The following FOXI2 variants were observed in gnomAD, a reference collection of about 807,000 sequenced individuals.
FOXI2 encodes forkhead box protein I2.
In FOXI2, 17 loss-of-function variants were observed where a neutral mutation model predicts 14.3. The observed-to-expected ratio is 1.19, with a 90% CI of 0.81 to 1.78. The LOEUF (loss-of-function observed/expected upper bound fraction) is 1.78. Among genes scored for constraint, FOXI2 ranks in the 40% most tolerant of loss-of-function variants. FOXI2 has a pLI of 0.00. For synonymous variants in FOXI2, 240 were observed against 218.8 expected (o/e 1.10, Z -0.85); for missense variants, 541 against 460.0 (o/e 1.18, Z -1.61).
chr10:127,739,006 T>C lies in FOXI2; in HGVS notation c.*41T>C. On this transcript the variant is annotated 3_prime_UTR_variant, in exon 2 of 2. Transcript: ENST00000388920. The stretch of plus-strand genomic sequence containing the variant: ...TAGCCGGGTGCGGGTCCAGAGGTGC[T>C]GAGCTCAGGCCTCCGGTTTCCCCTG... 3 of 1,533,544 alleles carry C rather than the reference T, an allele frequency of 2.0e-6. No homozygotes were observed. The highest frequency in any genetic ancestry group is 2.6e-6 in the Non-Finnish European group (3 of 1,132,666). 95.0% of individuals were successfully genotyped at this position (1,533,544 alleles called of 1,614,324 possible). A position where few individuals can be genotyped will look rare whatever the true frequency, so the allele number is the denominator to read the frequency against.
Position 127,740,802 on chromosome 10 carries a change from T to C in FOXI2, c.*1837T>C. On this transcript the variant is annotated 3_prime_UTR_variant, in exon 2 of 2. Coordinates refer to ENST00000388920, the MANE Select transcript of FOXI2 (RefSeq NM_207426.3). ...CCTGCTGAAGAGTGAGGTGTGTGTG[T>C]GTGTGTGCGTGTGTGCGTAAGACAG... The C allele has an allele frequency of 6.6e-6, 1 of 152,280 alleles. No homozygotes were observed. 9.4% of individuals were successfully genotyped at this position (152,280 alleles called of 1,614,324 possible).
In FOXI2 at chr10:127,737,457, C is replaced by T. The variant is rs1221931455; in HGVS notation, c.184C>T (p.Pro62Ser). 4.4e-6 allele frequency: 6 copies of T among 1,368,708 alleles called. No homozygotes were observed. In the African/African-American group the frequency reaches 9.2e-5, roughly 21 times the overall value. 84.8% of individuals were successfully genotyped at this position (1,368,708 alleles called of 1,614,324 possible). ...SYASGPGPAP[P>S]YAAPSYGAPG... ...CGCTTCGGGTCCCGGGCCTGCGCCG[C>T]CCTACGCGGCCCCGAGCTACGGGGC... The change falls in exon 1 of 2, where the codon CCC (proline) becomes TCC (serine). Residue 62 changes from proline (P) to serine (S), a missense_variant. Coordinates refer to ENST00000388920, the MANE Select transcript of FOXI2 (RefSeq NM_207426.3).
rs142934583 is a variant in FOXI2 at position 127,739,968 on chromosome 10, TACTCAC to T, written c.*1012_*1017del. On this transcript the variant is annotated 3_prime_UTR_variant, in exon 2 of 2. Coordinates refer to ENST00000388920, the MANE Select transcript of FOXI2 (RefSeq NM_207426.3). Reference sequence around the variant, plus strand: ...TCACACCCACACACACCCACACTCATACTCACACTCACACCCACACTCACACCACAC... The same window carrying T: ...TCACACCCACACACACCCACACTCATACTCACACCCACACTCACACCACAC... The T allele has an allele frequency of 0.78, 33,664 of 43,356 alleles. 14,237 individuals carry two copies. Among genetic ancestry groups the T allele is most frequent in the East Asian group, 0.89 (1,071 of 1,204 alleles). The allele number at this position is 43,356 out of a possible 1,614,324, so 2.7% of individuals were successfully genotyped here.
rs1846505707 is a variant in FOXI2 at position 127,740,168 on chromosome 10, T to TAC, written c.*1204_*1205dup. 1 of 52,118 alleles carries TAC rather than the reference T, an allele frequency of 1.9e-5. No individual in the cohort carries two copies. Among genetic ancestry groups the TAC allele is most frequent in the Admixed American group, 2.0e-4 (1 of 5,094 alleles). 3.2% of individuals were successfully genotyped at this position (52,118 alleles called of 1,614,324 possible). On this transcript the variant is annotated 3_prime_UTR_variant, in exon 2 of 2. Transcript: ENST00000388920. ...ATACTCACACCCACACCCACACTCATACTCACACACCCACACCCACACCCA... is the reference window on the plus strand; with the variant it reads ...ATACTCACACCCACACCCACACTCATACACTCACACACCCACACCCACACCCA...
chr10:127,737,811 G>C, intron 1 of FOXI2, 27 bp downstream of exon 1: 1 of 1,591,912 alleles, frequency 6.3e-7, no homozygotes, highest in Non-Finnish European at 8.5e-7. Context: ...GGCTCGCTCC[G>C]TCCAGGACTC....
Position 127,739,071 on chromosome 10 carries a change from C to T in FOXI2, c.*106C>T. The T allele has an allele frequency of 3.9e-6, 4 of 1,036,812 alleles. No individual in the cohort carries two copies. In the South Asian group the frequency reaches 4.9e-5, roughly 13 times the overall value. 64.2% of individuals were successfully genotyped at this position (1,036,812 alleles called of 1,614,324 possible). The stretch of plus-strand genomic sequence containing the variant: ...TGTTGGCGTTGAAGGCCTTGGTGCC[C>T]TGGGAGGAAGCGCAGAGCCGGGGGC... On this transcript the variant is annotated 3_prime_UTR_variant, in exon 2 of 2. Coordinates refer to ENST00000388920, the MANE Select transcript of FOXI2 (RefSeq NM_207426.3).
At position 127,740,022 on chromosome 10, in the gene FOXI2, ACT is replaced by A. The variant is rs1160572330; in HGVS notation, c.*1059_*1060del. 7.8e-6 allele frequency: 1 copy of A among 128,226 alleles called. No individual in the cohort carries two copies. Among genetic ancestry groups the A allele is most frequent in the East Asian group, 2.4e-4 (1 of 4,180 alleles). The allele number at this position is 128,226 out of a possible 1,614,324, so 7.9% of individuals were successfully genotyped here. ...CACCCACACTCACACTGACACCCACACTCACACCCACACTCACACTGACACCC... is the reference window on the plus strand; with the variant it reads ...CACCCACACTCACACTGACACCCACACACACCCACACTCACACTGACACCC... On this transcript the variant is annotated 3_prime_UTR_variant, in exon 2 of 2. Coordinates refer to ENST00000388920, the MANE Select transcript of FOXI2 (RefSeq NM_207426.3).
Position 127,737,556 on chromosome 10 carries a change from C to T in FOXI2, c.283C>T (p.Gln95Ter). The change falls in exon 1 of 2, where the codon CAG becomes TAG. Residue 95 changes from glutamine (Q) to a stop codon, truncating the protein, a stop_gained. Coordinates refer to ENST00000388920, the MANE Select transcript of FOXI2 (RefSeq NM_207426.3). LOFTEE classifies it high-confidence loss of function. ...DLAWLSLSGQ[Q>*]ELLRLVRPPY... Reference sequence around the variant, plus strand: ...CGCCTGGCTGAGCCTCTCCGGCCAGCAGGAGCTGCTGAGGCTGGTGCGGCC... The same window carrying T: ...CGCCTGGCTGAGCCTCTCCGGCCAGTAGGAGCTGCTGAGGCTGGTGCGGCC... The T allele has an allele frequency of 6.5e-7, 1 of 1,533,656 alleles. No individual in the cohort carries two copies. Among genetic ancestry groups the T allele is most frequent in the Non-Finnish European group, 8.8e-7 (1 of 1,139,246 alleles).
At position 127,740,069 on chromosome 10, in the gene FOXI2, T is replaced by TCCCACTCACACCCAC. The variant is rs1554874515; in HGVS notation, c.*1104_*1105insCCCACTCACACCCAC. ...ACACCCACACTCACACCCACACTCATACTCACACTCACACCCACACTCACA... is the reference window on the plus strand; with the variant it reads ...ACACCCACACTCACACCCACACTCATCCCACTCACACCCACACTCACACTCACACCCACACTCACA... On this transcript the variant is annotated 3_prime_UTR_variant, in exon 2 of 2. Transcript: ENST00000388920. 3.2e-5 allele frequency: 2 copies of TCCCACTCACACCCAC among 62,078 alleles called. No homozygotes were observed. The highest frequency in any genetic ancestry group is 1.1e-3 in the East Asian group (2 of 1,808). 3.8% of individuals were successfully genotyped at this position (62,078 alleles called of 1,614,324 possible). A position where few individuals can be genotyped will look rare whatever the true frequency, so the allele number is the denominator to read the frequency against.
chr10:127,740,094 A>ACTCACACCCACACTCACC lies in FOXI2; in HGVS notation c.*1146_*1147insCCTCACACCCACACTCAC. 1 of 121,758 alleles carries ACTCACACCCACACTCACC rather than the reference A, an allele frequency of 8.2e-6. No homozygotes were observed. The highest frequency in any genetic ancestry group is 3.4e-5 in the African/African-American group (1 of 29,168). The allele number at this position is 121,758 out of a possible 1,614,324, so 7.5% of individuals were successfully genotyped here. On this transcript the variant is annotated 3_prime_UTR_variant, in exon 2 of 2. Coordinates refer to ENST00000388920, the MANE Select transcript of FOXI2 (RefSeq NM_207426.3). ...TACTCACACTCACACCCACACTCAC[A>ACTCACACCCACACTCACC]CTCACACCCACACTCACACCACACT...
rs1220141486 is a variant in FOXI2, at chr10:127,740,155, A to T, written c.*1190A>T. On this transcript the variant is annotated 3_prime_UTR_variant, in exon 2 of 2. Coordinates refer to ENST00000388920, the MANE Select transcript of FOXI2 (RefSeq NM_207426.3). ...CACACCCACACTCATACTCACACCCACACCCACACTCATACTCACACACCC... is the reference window on the plus strand; with the variant it reads ...CACACCCACACTCATACTCACACCCTCACCCACACTCATACTCACACACCC... The T allele has an allele frequency of 1.0e-5, 1 of 98,522 alleles. No individual in the cohort carries two copies. Among genetic ancestry groups the T allele is most frequent in the African/African-American group, 4.0e-5 (1 of 25,300 alleles). The allele number at this position is 98,522 out of a possible 1,614,324, so 6.1% of individuals were successfully genotyped here. A position where few individuals can be genotyped will look rare whatever the true frequency, so the allele number is the denominator to read the frequency against.
Position 127,739,568 on chromosome 10 carries a change from T to G in FOXI2, c.*603T>G, listed in dbSNP as rs1846466984. The G allele has an allele frequency of 6.6e-6, 1 of 152,550 alleles. No homozygotes were observed. The highest frequency in any genetic ancestry group is 1.5e-5 in the Non-Finnish European group (1 of 68,336). The allele number at this position is 152,550 out of a possible 1,614,324, so 9.4% of individuals were successfully genotyped here. A position where few individuals can be genotyped will look rare whatever the true frequency, so the allele number is the denominator to read the frequency against. On this transcript the variant is annotated 3_prime_UTR_variant, in exon 2 of 2. Coordinates refer to ENST00000388920, the MANE Select transcript of FOXI2 (RefSeq NM_207426.3). Reference sequence around the variant, plus strand: ...TCCTGTGTAAGGAAGGTCTTGCTAATGGTTGGAACTGCTGGTGGTGGGAGG... The same window carrying G: ...TCCTGTGTAAGGAAGGTCTTGCTAAGGGTTGGAACTGCTGGTGGTGGGAGG...
chr10:127,738,725 C>G lies in FOXI2; in HGVS notation c.717C>G (p.Pro239=), dbSNP rs759352290. ...AGGCCTCGCCCTCTCCATCCGCACC[C>G]GAGGCCGCCACCTGCTTCTCCGGTT... is the stretch of plus-strand genomic sequence containing the variant. The part of the protein sequence containing the change: ...DLQASPSPSA[P]EAATCFSGFA... The change falls in exon 2 of 2, where the codon CCC becomes CCG. Residue 239 remains proline (P), a synonymous_variant. Coordinates refer to ENST00000388920, the MANE Select transcript of FOXI2 (RefSeq NM_207426.3). 6.3e-7 allele frequency: 1 copy of G among 1,598,080 alleles called. No individual in the cohort carries two copies. The highest frequency in any genetic ancestry group is 8.5e-7 in the Non-Finnish European group (1 of 1,173,286).
rs752988740 is a variant in FOXI2, at chr10:127,738,970, A to C, written c.*5A>C. On this transcript the variant is annotated 3_prime_UTR_variant, in exon 2 of 2. Coordinates refer to ENST00000388920, the MANE Select transcript of FOXI2 (RefSeq NM_207426.3). ...CGGGAAGGGACCGAAGTTTGAAGGG[A>C]GGCTGGAGGCTAGCCGGGTGCGGGT... The C allele has an allele frequency of 1.3e-6, 2 of 1,597,106 alleles. No individual in the cohort carries two copies. Among genetic ancestry groups the C allele is most frequent in the African/African-American group, 2.7e-5 (2 of 74,750 alleles).
rs763454676 is a variant in FOXI2, at chr10:127,738,511, C to T, written c.512-9C>T. ...AACCTTCTGAACTGGGCTGTTTCTT[C>T]TTCTGCAGGTAAAGGCAATTACTGG... On this transcript the variant is annotated splice_polypyrimidine_tract_variant and intron_variant, in intron 1 of 1. Transcript: ENST00000388920. 6 of 1,605,204 alleles carry T rather than the reference C, an allele frequency of 3.7e-6. No homozygotes were observed. In the South Asian group the frequency reaches 6.7e-5, roughly 18 times the overall value.
At chr10:127,738,342 G>A (rs1407790438) in intron 1 of FOXI2, among the ~76,000 whole-genome samples, 178 bp from the exon 2 acceptor site, 1 of 152,074 alleles carries the variant, frequency 6.6e-6, no homozygotes, top group African/African-American at 2.4e-5. Flanking sequence ...TTTCTTCCCA[G>A]TCCTGCTGTG....
In FOXI2 at chr10:127,738,654, G is replaced by C; in HGVS notation, c.646G>C (p.Glu216Gln). 1 of 1,597,182 alleles carries C rather than the reference G, an allele frequency of 6.3e-7. No homozygotes were observed. Among genetic ancestry groups the C allele is most frequent in the Non-Finnish European group, 8.5e-7 (1 of 1,171,746 alleles). The change falls in exon 2 of 2, where the codon GAG (glutamate) becomes CAG (glutamine). Residue 216 changes from glutamate to glutamine, a missense_variant. By Grantham distance (29) the Glu-to-Gln change is conservative. Coordinates refer to ENST00000388920, the MANE Select transcript of FOXI2 (RefSeq NM_207426.3). ...GGGAGCCAGGAGCGTGGGAGGGGCC[G>C]AGGCGCCAGCGCTGGAGCCCCCGAG... ...RSGARSVGGA[E>Q]APALEPPSAA...
chr10:127,738,671 G>GC lies in FOXI2; in HGVS notation c.668dup (p.Ser224GlufsTer65), dbSNP rs1240949527. 55 of 1,594,608 alleles carry GC rather than the reference G, an allele frequency of 3.4e-5. No individual in the cohort carries two copies. The highest frequency in any genetic ancestry group is 4.6e-5 in the Non-Finnish European group (54 of 1,170,698). ...GAGGGGCCGAGGCGCCAGCGCTGGA[G>GC]CCCCCGAGCGCGGCTTGCCTGGACC... is the stretch of plus-strand genomic sequence containing the variant. On this transcript the variant is annotated frameshift_variant, in exon 2 of 2. Transcript: ENST00000388920. LOFTEE classifies it low-confidence loss of function (END_TRUNC).
chr10:127,738,611 C>T lies in FOXI2; in HGVS notation c.603C>T (p.Ala201=). 6.2e-7 allele frequency: 1 copy of T among 1,609,362 alleles called. No homozygotes were observed. The highest frequency in any genetic ancestry group is 2.2e-5 in the East Asian group (1 of 44,724). Residue 201 remains alanine, a synonymous_variant, in exon 2 of 2, where the codon GCC becomes GCT. Coordinates refer to ENST00000388920, the MANE Select transcript of FOXI2 (RefSeq NM_207426.3). ...GGAAGAGGAAGAGGAGAGCTGAAGC[C>T]AGCGCGGCCGTGCGCTCGGGAGCCA... ...FRRKRKRRAE[A]SAAVRSGARS...
Sources: allele counts gnomAD v4.1 joint callset (sites outside exome capture counted in the v4.1 genomes callset), GRCh38; gene constraint gnomAD v4.1.1; transcripts MANE v1.5; gene names NCBI Gene and HGNC (gene_info 2026-07-23, HGNC 2026-07-21).